Variants in USP18 observed in about 807,000 individuals in gnomAD.
The protein encoded by USP18 is ubl carboxyl-terminal hydrolase 18.
Under a neutral mutation model 48.7 loss-of-function variants are expected in USP18, and 11 were observed. The observed-to-expected ratio is 0.23, with a 90% CI of 0.14 to 0.37. The LOEUF is 0.37. Ranked by LOEUF, USP18 falls within the 10% of genes least tolerant of loss-of-function variation. USP18 has a pLI of 1.00. For synonymous variants in USP18, 114 were observed against 163.2 expected, an observed-to-expected ratio of 0.70 and a Z score of 2.30; for missense variants, 285 against 436.4, an observed-to-expected ratio of 0.65 and a Z score of 3.09.
intron 4 of USP18, among the ~76,000 whole-genome samples, chr22:18,165,840 C>T (rs1035101225): frequency 1.1e-4 from 17 of 150,270 alleles, no homozygotes; most frequent in Admixed American, 1.1e-3. Flanking sequence ...GGAAAGGCGC[C>T]AACTCAGCTG....
intron 1 of USP18, among the ~76,000 whole-genome samples, chr22:18,154,481 T>G (rs1929076331): frequency 6.6e-6 from 1 of 152,136 alleles, no homozygotes; most frequent in South Asian, 2.1e-4. Flanking sequence ...AAGGTCTCAT[T>G]TGTTGCCCAG....
At chr22:18,159,876 A>T (rs5746523) in intron 2 of USP18, among the ~76,000 whole-genome samples, 6 of 151,560 alleles carry the variant, frequency 4.0e-5, no homozygotes, top group African/African-American at 1.2e-4. Context: ...ACGGGGTTTC[A>T]CCGTGTTAGC....
rs924688645 is a variant in USP18 at position 18,159,254 on chromosome 22, C to T, written c.158-918C>T. ...TATTTTTAGTAAATATGAGGTTTTA[C>T]CATGTAGGCCAGGCTGGTATTGAAC... On this transcript the variant is annotated intron_variant, in intron 2 of 10. Coordinates refer to ENST00000215794, the MANE Select transcript of USP18 (RefSeq NM_017414.4). Among the ~76,000 whole-genome samples the T allele has an allele frequency of 3.3e-5, 5 of 152,170 alleles. No homozygotes were observed. In the East Asian group the frequency reaches 9.7e-4, roughly 29 times the overall value.
At chr22:18,174,935 A>T (rs1384097731) in intron 10 of USP18, among the ~76,000 whole-genome samples, 4 of 151,918 alleles carry the variant, frequency 2.6e-5, no homozygotes, top group Non-Finnish European at 5.9e-5. Context: ...TTGTTTTGAG[A>T]TGGAGTCTTG....
chr22:18,158,116 CG>C (rs1245482106), intron 2 of USP18, among the ~76,000 whole-genome samples: 1 of 152,098 alleles, frequency 6.6e-6, no homozygotes, highest in African/African-American at 2.4e-5. Flanking sequence ...GGTGAAACCC[CG>C]TCTCTACTAA....
chr22:18,151,576 C>T (rs1421556181), intron 1 of USP18, among the ~76,000 whole-genome samples: 2 of 151,848 alleles, frequency 1.3e-5, no homozygotes, highest in African/African-American at 4.8e-5. Flanking sequence ...CACTTTTACA[C>T]AATGATGAGC....
intron 2 of USP18, 147 bp downstream of exon 2, chr22:18,157,967 C>CTA (rs1394041879): frequency 1.7e-6 from 2 of 1,210,006 alleles, no homozygotes; most frequent in East Asian, 5.0e-5. Context: ...GGGATACAGC[C>CTA]TGGGCCATAG....
chr22:18,174,843 A>G (rs563975377), intron 10 of USP18, among the ~76,000 whole-genome samples: 1 of 152,172 alleles, frequency 6.6e-6, no homozygotes, highest in East Asian at 1.9e-4. Flanking sequence ...CCATCCATCC[A>G]TTTCAGCCTG....
At chr22:18,166,139 C>T (rs1158911823) in intron 4 of USP18, among the ~76,000 whole-genome samples, 1 of 152,184 alleles carries the variant, frequency 6.6e-6, no homozygotes, top group East Asian at 1.9e-4. Context: ...TTCCTTCCGT[C>T]CTCAGTCTGG....
In USP18 at chr22:18,168,102, C is replaced by T. The variant is rs1929530671; in HGVS notation, c.627+66C>T. ...TAGTCCATTTTCTGTTGTTATAACT[C>T]AATATCTGAGACTAGGTAATTTATT... On this transcript the variant is annotated intron_variant, in intron 6 of 10. Transcript: ENST00000215794. 2.3e-5 allele frequency: 36 copies of T among 1,590,524 alleles called. No individual in the cohort carries two copies. The South Asian group carries it at 4.0e-4, about 18-fold the overall frequency.
At chr22:18,173,024 G>A (rs1465408925) in intron 8 of USP18, 126 bp from the exon 9 acceptor site, 2 of 1,521,500 alleles carry the variant, frequency 1.3e-6, no homozygotes, top group Non-Finnish European at 1.8e-6. Context: ...CCCACTGGCT[G>A]TGGGTCGGGA....
intron 6 of USP18, 128 bp from the exon 7 acceptor site, chr22:18,169,716 C>G (rs1177878661): frequency 1.7e-6 from 2 of 1,178,476 alleles, no homozygotes; most frequent in East Asian, 5.2e-5. Context: ...ATGGGCCAAT[C>G]AAACTTCTTT....
intron 10 of USP18, among the ~76,000 whole-genome samples, chr22:18,174,238 T>C (rs1178434272): frequency 6.6e-6 from 1 of 151,180 alleles, no homozygotes; most frequent in Non-Finnish European, 1.5e-5. Context: ...CTTTTCTTTT[T>C]TTTTTTTTGA....
intron 8 of USP18, 82 bp downstream of exon 8, chr22:18,171,002 T>C: frequency 1.8e-6 from 1 of 562,156 alleles, no homozygotes; most frequent in South Asian, 2.0e-5. Flanking sequence ...TCACCCCCAG[T>C]CTGCTAGGAG....
Position 18,159,745 on chromosome 22 carries a change from GGCTCACTGCAAGCTCC to G in USP18, c.158-424_158-409del, listed in dbSNP as rs760621217. Among the ~76,000 whole-genome samples the G allele has an allele frequency of 2.8e-3, 404 of 143,044 alleles. 1 individual carries two copies. The highest frequency in any genetic ancestry group is 5.0e-3 in the Non-Finnish European group (335 of 66,912). The allele number at this position is 143,044 out of a possible 152,430, so 93.8% of individuals were successfully genotyped here. A position where few individuals can be genotyped will look rare whatever the true frequency, so the allele number is the denominator to read the frequency against. ...GGCTGGAGTGCAGTGGCGTGATCTT[GGCTCACTGCAAGCTCC>G]GCCTCCTGGGTTCACACCATTCTCC... On this transcript the variant is annotated intron_variant, in intron 2 of 10. Coordinates refer to ENST00000215794, the MANE Select transcript of USP18 (RefSeq NM_017414.4).
In USP18 at chr22:18,165,548, T is replaced by C. The variant is rs902899843; in HGVS notation, c.401-1707T>C. ...CTGTTTCCTGTTAGCCCTTTAGAAATGCAAATATCACCTTTCGCCTACCCC... is the reference window on the plus strand; with the variant it reads ...CTGTTTCCTGTTAGCCCTTTAGAAACGCAAATATCACCTTTCGCCTACCCC... On this transcript the variant is annotated intron_variant, in intron 4 of 10. Transcript: ENST00000215794. 8.8e-5 allele frequency among the ~76,000 whole-genome samples: 12 copies of C among 135,744 alleles called. 1 individual carries two copies. The highest frequency in any genetic ancestry group is 3.3e-4 in the African/African-American group (12 of 35,962). The allele number at this position is 135,744 out of a possible 152,430, so 89.1% of individuals were successfully genotyped here.
chr22:18,167,115 T>C lies in USP18; in HGVS notation c.401-140T>C. On this transcript the variant is annotated intron_variant, in intron 4 of 10. Transcript: ENST00000215794. ...GTTCATTTATTGATCACTTCTTCTG[T>C]CGTGCCAACTTAGCCTTGCAGTGGG... The C allele has an allele frequency of 8.8e-6, 8 of 912,862 alleles. No individual in the cohort carries two copies. The South Asian group carries it at 1.2e-4, about 14-fold the overall frequency. The allele number at this position is 912,862 out of a possible 1,614,324, so 56.5% of individuals were successfully genotyped here. A position where few individuals can be genotyped will look rare whatever the true frequency, so the allele number is the denominator to read the frequency against.
intron 8 of USP18, among the ~76,000 whole-genome samples, chr22:18,172,202 C>T (rs1406649256): frequency 6.6e-6 from 1 of 152,222 alleles, no homozygotes; most frequent in Non-Finnish European, 1.5e-5. Context: ...TAACAGTTAC[C>T]AAAACTCATG....
chr22:18,170,088 T>C, intron 7 of USP18, 149 bp downstream of exon 7: 1 of 741,620 alleles, frequency 1.3e-6, no homozygotes, highest in South Asian at 1.7e-5. Context: ...CAGTCCCTCA[T>C]CTATGCGGTT....
Sources: allele counts gnomAD v4.1 joint callset (sites outside exome capture counted in the v4.1 genomes callset), GRCh38; gene constraint gnomAD v4.1.1; transcripts MANE v1.5; gene names NCBI Gene and HGNC (gene_info 2026-07-23, HGNC 2026-07-21).